The following TFB2M variants were observed in gnomAD, a reference collection of about 807,000 sequenced individuals.
TFB2M encodes dimethyladenosine transferase 2, mitochondrial.
Under a neutral mutation model 41.3 loss-of-function variants are expected in TFB2M, and 44 were observed. That is an observed-to-expected ratio of 1.07 (90% CI 0.84 to 1.37). TFB2M has a LOEUF of 1.37. Among genes scored for constraint, TFB2M ranks in the 40% most tolerant of loss-of-function variants. The pLI, the probability that TFB2M is intolerant of heterozygous loss-of-function variation, is 0.00. For synonymous variants in TFB2M, 188 were observed against 176.8 expected (o/e 1.06, Z -0.50); for missense variants, 496 against 490.2 (o/e 1.01, Z -0.11).
intron 6 of TFB2M, among the ~76,000 whole-genome samples, chr1:246,545,458 G>T (rs1658989972): frequency 6.6e-6 from 1 of 151,684 alleles, no homozygotes; most frequent in African/African-American, 2.4e-5. Flanking sequence ...CCAGGAGGTG[G>T]AGGCTGAGAG....
At chr1:246,547,288 A>G (rs1320088145) in intron 6 of TFB2M, among the ~76,000 whole-genome samples, 1 of 152,088 alleles carries the variant, frequency 6.6e-6, no homozygotes, top group Non-Finnish European at 1.5e-5. Context: ...GGCCAAGTTT[A>G]TATTTTTAAG....
chr1:246,558,739 A>AT (rs141785383), intron 2 of TFB2M, among the ~76,000 whole-genome samples: 8,356 of 152,296 alleles, frequency 0.055, 317 homozygotes, highest in Non-Finnish European at 0.084. Flanking sequence ...AACTTAGCTC[A>AT]TCTCCATAAT....
chr1:246,564,829 G>A (rs929775727), intron 1 of TFB2M, among the ~76,000 whole-genome samples: 3 of 152,010 alleles, frequency 2.0e-5, no homozygotes, highest in Admixed American at 6.6e-5. Context: ...ACAGGCGCCC[G>A]CCACCACGCC....
chr1:246,546,983 A>ACACACACACCCACACACACACACACACAC (rs764498048), intron 6 of TFB2M, among the ~76,000 whole-genome samples: 1 of 127,180 alleles, frequency 7.9e-6, no homozygotes, highest in African/African-American at 3.0e-5. Flanking sequence ...ACACACACAC[A>ACACACACACCCACACACACACACACACAC]TTTTTTTTTT....
intron 3 of TFB2M, 98 bp downstream of exon 3, chr1:246,557,283 C>A (rs563309416): frequency 2.1e-6 from 3 of 1,402,426 alleles, no homozygotes; most frequent in Non-Finnish European, 2.9e-6. Flanking sequence ...AGAAAACAAA[C>A]AAATAAATAA....
rs1469955825 is a variant in TFB2M, at chr1:246,562,671, T to G, written c.402+1675A>C. ...TGACTCCATAGGGAACTTTTTTTTT[T>G]TTTTGAGACAAAGAGTGTAGCTCAG... On this transcript the variant is annotated intron_variant, in intron 2 of 7. Transcript: ENST00000366514. 1.1e-4 allele frequency among the ~76,000 whole-genome samples: 16 copies of G among 152,110 alleles called. 1 individual carries two copies. The highest frequency in any genetic ancestry group is 9.8e-4 in the Admixed American group (15 of 15,258).
chr1:246,557,661 G>T (rs1201206544), intron 2 of TFB2M, 127 bp from the exon 3 acceptor site: 35 of 838,046 alleles, frequency 4.2e-5, no homozygotes, highest in South Asian at 1.6e-4. Context: ...ATTACCTGGG[G>T]TTTTTTTGTT....
At chr1:246,549,918 A>G (rs888099842) in intron 5 of TFB2M, among the ~76,000 whole-genome samples, 2 of 152,142 alleles carry the variant, frequency 1.3e-5, no homozygotes, top group Non-Finnish European at 2.9e-5. Flanking sequence ...TCGAGCCTCA[A>G]CAGCTTTCCC....
intron 6 of TFB2M, 58 bp from the exon 7 acceptor site, chr1:246,544,739 T>C: frequency 6.9e-7 from 1 of 1,450,868 alleles, no homozygotes; most frequent in Non-Finnish European, 9.3e-7. Flanking sequence ...AGTAAGACAT[T>C]GCTCACTTCT....
intron 4 of TFB2M, among the ~76,000 whole-genome samples, chr1:246,554,129 A>G (rs1029700959): frequency 2.0e-5 from 3 of 152,250 alleles, no homozygotes; most frequent in Non-Finnish European, 2.9e-5. Flanking sequence ...TGGGAAAACT[A>G]GATCAAAGAA....
In TFB2M at chr1:246,556,498, A is replaced by G. The variant is rs1659323637; in HGVS notation, c.705+75T>C. Reference sequence around the variant, plus strand: ...TCAAATGTCACGAGCCCTAAATTAAAATCGCACAGATTAAGAGTACTCAGA... The same window carrying G: ...TCAAATGTCACGAGCCCTAAATTAAGATCGCACAGATTAAGAGTACTCAGA... On this transcript the variant is annotated intron_variant, in intron 4 of 7. Transcript: ENST00000366514. 5 of 1,122,814 alleles carry G rather than the reference A, an allele frequency of 4.5e-6. No individual in the cohort carries two copies. In the South Asian group the frequency reaches 8.6e-5, roughly 19 times the overall value. The allele number at this position is 1,122,814 out of a possible 1,614,324, so 69.6% of individuals were successfully genotyped here.
At chr1:246,542,452 A>T (rs3124110) in intron 7 of TFB2M, among the ~76,000 whole-genome samples, 29,211 of 151,950 alleles carry the variant, frequency 0.19, 3,634 homozygotes, top group Middle Eastern at 0.4. Flanking sequence ...TGGGAGGATC[A>T]TTTGAGCCCA....
At position 246,556,614 on chromosome 1, in the gene TFB2M, G is replaced by A. The variant is rs144705516; in HGVS notation, c.664C>T (p.Arg222Ter). The A allele has an allele frequency of 4.7e-5, 73 of 1,537,954 alleles. No homozygotes were observed. The highest frequency in any genetic ancestry group is 5.9e-5 in the Non-Finnish European group (68 of 1,144,408). The stretch of plus-strand genomic sequence containing the variant: ...CCAATAAACATATTTACTTCTATTC[G>A]TCCAAATTTATATATAGAAGTACAG... Reference protein sequence around the residue: ...YSCTSIYKFGRIEVNMFIGEK... With the variant: ...YSCTSIYKFG The change falls in exon 4 of 8, where the codon CGA becomes TGA. Residue 222 changes from arginine (R) to a stop codon, truncating the protein, a stop_gained. Coordinates refer to ENST00000366514, the MANE Select transcript of TFB2M (RefSeq NM_022366.3). LOFTEE classifies it high-confidence loss of function.
In TFB2M at chr1:246,554,795, A is replaced by G. The variant is rs532882295; in HGVS notation, c.705+1778T>C. ...GTCCCTGGTGCCAAAGATGTTGGGG[A>G]CCGCCCAGCTACGTATGATACCAAA... is the stretch of plus-strand genomic sequence containing the variant. On this transcript the variant is annotated intron_variant, in intron 4 of 7. Coordinates refer to ENST00000366514, the MANE Select transcript of TFB2M (RefSeq NM_022366.3). Among the ~76,000 whole-genome samples the G allele has an allele frequency of 3.9e-5, 6 of 152,298 alleles. No homozygotes were observed. In the South Asian group the frequency reaches 8.3e-4, roughly 21 times the overall value.
chr1:246,545,012 A>T (rs190615728), intron 6 of TFB2M, among the ~76,000 whole-genome samples: 15 of 151,804 alleles, frequency 9.9e-5, no homozygotes, highest in African/African-American at 3.4e-4. Context: ...TCACCGTGTT[A>T]GCCAGGATGG....
chr1:246,556,428 T>C lies in TFB2M; in HGVS notation c.705+145A>G, dbSNP rs1375178840. 12 of 579,490 alleles carry C rather than the reference T, an allele frequency of 2.1e-5. 1 individual carries two copies. The Admixed American group carries it at 4.2e-4, about 20-fold the overall frequency. The allele number at this position is 579,490 out of a possible 1,614,324, so 35.9% of individuals were successfully genotyped here. On this transcript the variant is annotated intron_variant, in intron 4 of 7. Transcript: ENST00000366514. ...TCAACTGTACACTGAAAAAGCAACC[T>C]GAGCATAAGACTGCTCTGCAGAATT...
At chr1:246,559,995 C>T (rs968010434) in intron 2 of TFB2M, among the ~76,000 whole-genome samples, 1 of 152,212 alleles carries the variant, frequency 6.6e-6, no homozygotes, top group Admixed American at 6.5e-5. Context: ...GGCTGTCTAA[C>T]CTGTGGCCTG....
chr1:246,558,494 C>T (rs899460755), intron 2 of TFB2M, among the ~76,000 whole-genome samples: 1 of 152,150 alleles, frequency 6.6e-6, no homozygotes, highest in Non-Finnish European at 1.5e-5. Flanking sequence ...AAAAGCTTTT[C>T]ACACCACTCC....
rs545105645 is a variant in TFB2M, at chr1:246,548,576, C to T, written c.827G>A (p.Arg276Gln). 38 of 1,613,116 alleles carry T rather than the reference C, an allele frequency of 2.4e-5. No homozygotes were observed. The East Asian group carries it at 2.9e-4, about 12-fold the overall frequency. The change falls in exon 6 of 8, where the codon CGG (arginine) becomes CAG (glutamine). Residue 276 changes from arginine to glutamine, a missense_variant. Transcript: ENST00000366514. The stretch of plus-strand genomic sequence containing the variant: ...CTTTGGGTTTTCCAGCGGCCCTTTC[C>T]GGGTGTATATATCAAATGATGACCA... The part of the protein sequence containing the change: ...EPWSSFDIYT[R>Q]KGPLENPKRR...
Sources: gnomAD v4.1 joint callset for allele counts (sites outside exome capture counted in the v4.1 genomes callset) on GRCh38, gnomAD v4.1.1 for gene constraint, MANE v1.5 for transcripts, NCBI Gene and HGNC (gene_info 2026-07-23, HGNC 2026-07-21) for gene names.